SGK1: variants seen among roughly 807,000 people sequenced by gnomAD.
SGK1 encodes serum/glucocorticoid regulated kinase 1, also known as serine/threonine-protein kinase Sgk1.
SGK1 carries 26 observed loss-of-function variants against 64.2 expected under a neutral mutation model. The ratio of observed to expected loss-of-function variants is 0.40; its 90% confidence interval spans 0.30 to 0.56. SGK1 has a LOEUF of 0.56. SGK1 is among the 20% of genes least tolerant of loss of function. SGK1 has a pLI of 0.38. For synonymous variants in SGK1, 265 were observed against 239.7 expected (o/e 1.11, Z -0.98); for missense variants, 519 against 645.6 (o/e 0.80, Z 2.12).
intron 2 of SGK1, among the ~76,000 whole-genome samples, chr6:134,246,738 G>A (rs971890427): frequency 2.0e-5 from 3 of 152,068 alleles, no homozygotes; most frequent in Non-Finnish European, 4.4e-5. Flanking sequence ...GATTACAGGT[G>A]CCTGCCACCA....
At chr6:134,270,768 A>G (rs1226055653) in intron 1 of SGK1, among the ~76,000 whole-genome samples, 4 of 148,050 alleles carry the variant, frequency 2.7e-5, no homozygotes, top group Admixed American at 6.9e-5. Flanking sequence ...CAATGCGTCC[A>G]TGTACCCTAT....
intron 2 of SGK1, among the ~76,000 whole-genome samples, chr6:134,242,530 C>G (rs1378591571): frequency 1.3e-5 from 2 of 151,728 alleles, no homozygotes; most frequent in South Asian, 2.1e-4. Flanking sequence ...AAATGGGCAA[C>G]TTGGGCCAGT....
chr6:134,230,917 G>A (rs982368395), intron 2 of SGK1, among the ~76,000 whole-genome samples: 2 of 152,186 alleles, frequency 1.3e-5, no homozygotes, highest in Admixed American at 6.5e-5. Flanking sequence ...GGGAGGCTAA[G>A]GCAGGAGAAT....
intron 2 of SGK1, among the ~76,000 whole-genome samples, chr6:134,221,346 C>T (rs1406868570): frequency 6.6e-6 from 1 of 152,150 alleles, no homozygotes; most frequent in Admixed American, 6.6e-5. Flanking sequence ...ATTGAATAAT[C>T]TATATGCAAA....
At chr6:134,203,446 A>G (rs1334262074) in intron 3 of SGK1, among the ~76,000 whole-genome samples, 1 of 152,210 alleles carries the variant, frequency 6.6e-6, no homozygotes, top group Non-Finnish European at 1.5e-5. Flanking sequence ...ATAGCAAAAC[A>G]GTAAAGTTAA....
At chr6:134,184,504 CAAAAAAAAAAAAA>C (rs1162404618) in intron 3 of SGK1, among the ~76,000 whole-genome samples, 5 of 63,568 alleles carry the variant, frequency 7.9e-5, no homozygotes, top group East Asian at 1.5e-3. Context: ...GACTCCATCT[CAAAAAAAAAAAAA>C]AAAAAAAAAA....
chr6:134,298,330 C>A (rs1266696029), intron 1 of SGK1: 29 of 1,567,864 alleles, frequency 1.8e-5, no homozygotes, highest in Non-Finnish European at 2.4e-5. Flanking sequence ...CAGGAGGCTC[C>A]ACTTGGTCTC....
chr6:134,271,247 TG>T (rs1490771530), intron 1 of SGK1, among the ~76,000 whole-genome samples: 8 of 130,352 alleles, frequency 6.1e-5, no homozygotes, highest in African/African-American at 2.1e-4. Flanking sequence ...TGAACCTAGG[TG>T]GCGGAGGTTG....
chr6:134,262,457 A>G (rs1318332436), intron 1 of SGK1, among the ~76,000 whole-genome samples: 2 of 149,436 alleles, frequency 1.3e-5, no homozygotes, highest in African/African-American at 4.9e-5. Flanking sequence ...CTTTTTAGAG[A>G]TAGGGGGGTT....
rs757770984 is a variant in SGK1 at position 134,171,624 on chromosome 6, A to G, written c.1167+13T>C. The G allele has an allele frequency of 1.9e-5, 30 of 1,588,864 alleles. No individual in the cohort carries two copies. Among genetic ancestry groups the G allele is most frequent in the Admixed American group, 5.0e-5 (3 of 59,940 alleles). On this transcript the variant is annotated intron_variant, in intron 11 of 13. Coordinates refer to ENST00000367858, the MANE Select transcript of SGK1 (RefSeq NM_001143676.3). ...AGCAGGCAGTGTTCCATGGTTCCCAATGTGCCACTCACCAGGCCATACAGC... is the reference window on the plus strand; with the variant it reads ...AGCAGGCAGTGTTCCATGGTTCCCAGTGTGCCACTCACCAGGCCATACAGC...
intron 3 of SGK1, among the ~76,000 whole-genome samples, chr6:134,184,149 T>C (rs938889073): frequency 3.0e-4 from 46 of 152,188 alleles, no homozygotes; most frequent in African/African-American, 1.1e-3. Context: ...CCTGGAATGC[T>C]TTCCTCCTCA....
intron 3 of SGK1, among the ~76,000 whole-genome samples, chr6:134,178,502 A>T (rs188820801): frequency 6.6e-5 from 10 of 152,088 alleles, no homozygotes; most frequent in Non-Finnish European, 1.5e-4. Flanking sequence ...CTGCTATTCA[A>T]ACTCTTGATC....
intron 3 of SGK1, among the ~76,000 whole-genome samples, chr6:134,193,044 A>G (rs1775540145): frequency 6.6e-6 from 1 of 152,242 alleles, no homozygotes; most frequent in Non-Finnish European, 1.5e-5. Flanking sequence ...TTAACCAGAT[A>G]AAACACTTGT....
intron 5 of SGK1, 30 bp downstream of exon 5, chr6:134,173,975 C>T: frequency 6.6e-7 from 1 of 1,514,144 alleles, no homozygotes; most frequent in Non-Finnish European, 9.1e-7. Context: ...TACAGTTCTC[C>T]ACAGATGCAC....
rs997097934 is a variant in SGK1 at position 134,276,735 on chromosome 6, C to T, written c.70-14587G>A. On this transcript the variant is annotated intron_variant, in intron 1 of 13. Coordinates refer to ENST00000367858, the MANE Select transcript of SGK1 (RefSeq NM_001143676.3). ...TGCTTATTCCAGGGGTCTCCAAACC[C>T]GGGTAACACAGGACAGCTTTAAAAA... is the stretch of plus-strand genomic sequence containing the variant. Among the ~76,000 whole-genome samples the T allele has an allele frequency of 1.2e-4, 18 of 152,196 alleles. No homozygotes were observed. In the East Asian group the frequency reaches 2.5e-3, roughly 21 times the overall value.
chr6:134,191,473 T>C (rs1324214289), intron 3 of SGK1, among the ~76,000 whole-genome samples: 1 of 152,090 alleles, frequency 6.6e-6, no homozygotes, highest in African/African-American at 2.4e-5. Flanking sequence ...CTCATGAAGG[T>C]TTTTTAAGGA....
At chr6:134,173,855 C>T (rs1775118898) in intron 5 of SGK1, 150 bp downstream of exon 5, 1 of 649,684 alleles carries the variant, frequency 1.5e-6, no homozygotes, top group Non-Finnish European at 2.7e-6. Flanking sequence ...TGACTCAATA[C>T]TTAAATATTT....
rs564973825 is a variant in SGK1 at position 134,299,238 on chromosome 6, G to A, written c.69+18154C>T. On this transcript the variant is annotated intron_variant, in intron 1 of 13. Coordinates refer to ENST00000367858, the MANE Select transcript of SGK1 (RefSeq NM_001143676.3). Reference sequence around the variant, plus strand: ...AAAAAAGCCAGGCATGGCAGCTCATGCCTATAGTTCCAGCTACTCTGGAGG... The same window carrying A: ...AAAAAAGCCAGGCATGGCAGCTCATACCTATAGTTCCAGCTACTCTGGAGG... Among the ~76,000 whole-genome samples, 7 of 150,974 alleles carry A rather than the reference G, an allele frequency of 4.6e-5. No homozygotes were observed. In the South Asian group the frequency reaches 1.5e-3, roughly 32 times the overall value.
Position 134,170,224 on chromosome 6 carries a change from C to T in SGK1, c.*44G>A, listed in dbSNP as rs548281620. 4.4e-5 allele frequency: 68 copies of T among 1,528,802 alleles called. No homozygotes were observed. The highest frequency in any genetic ancestry group is 9.1e-5 in the East Asian group (4 of 43,784). 94.7% of individuals were successfully genotyped at this position (1,528,802 alleles called of 1,614,324 possible). A position where few individuals can be genotyped will look rare whatever the true frequency, so the allele number is the denominator to read the frequency against. ...CCACCAAAAGGCTAACTAAAACATT[C>T]GGAAACACACATAAAATCCTTTAAA... is the stretch of plus-strand genomic sequence containing the variant. On this transcript the variant is annotated 3_prime_UTR_variant, in exon 14 of 14. Coordinates refer to ENST00000367858, the MANE Select transcript of SGK1 (RefSeq NM_001143676.3).
Sources: gnomAD v4.1 joint callset for allele counts (sites outside exome capture counted in the v4.1 genomes callset) on GRCh38, gnomAD v4.1.1 for gene constraint, MANE v1.5 for transcripts, NCBI Gene and HGNC (gene_info 2026-07-23, HGNC 2026-07-21) for gene names.